Variants in ST6GAL1 observed in about 807,000 individuals in gnomAD.
ST6GAL1 encodes the protein ST6 beta-galactoside alpha-2,6-sialyltransferase 1, also known as beta-galactoside alpha-2,6-sialyltransferase 1.
In ST6GAL1, 20 loss-of-function variants were observed where a neutral mutation model predicts 38.0. The observed-to-expected ratio is 0.53, with a 90% CI of 0.37 to 0.77. The LOEUF (loss-of-function observed/expected upper bound fraction) is 0.77, where lower values mean the gene tolerates loss of function less well. Among genes scored for constraint, ST6GAL1 ranks in the 30% least tolerant of loss-of-function variants. The pLI is 0.00. For missense variants in ST6GAL1, 432 were observed against 496.4 expected (o/e 0.87, Z 1.23); for synonymous variants, 196 against 188.2 (o/e 1.04, Z -0.34).
intron 2 of ST6GAL1, among the ~76,000 whole-genome samples, chr3:186,996,041 C>T (rs987514925): frequency 2.0e-5 from 3 of 152,160 alleles, no homozygotes; most frequent in Non-Finnish European, 4.4e-5. Flanking sequence ...CTCTCACAAA[C>T]ACCTGCTTCC....
chr3:186,935,283 T>C (rs1206564124), intron 1 of ST6GAL1, among the ~76,000 whole-genome samples: 1 of 152,192 alleles, frequency 6.6e-6, no homozygotes, highest in East Asian at 1.9e-4. Flanking sequence ...CCTGCATTAG[T>C]TTGCTAAAGA....
At chr3:187,007,890 G>A (rs1007578008) in intron 2 of ST6GAL1, among the ~76,000 whole-genome samples, 1 of 152,132 alleles carries the variant, frequency 6.6e-6, no homozygotes, top group East Asian at 1.9e-4. Flanking sequence ...GATGATATGG[G>A]CCCAGTAGCG....
intron 1 of ST6GAL1, among the ~76,000 whole-genome samples, chr3:186,938,498 G>A (rs535151203): frequency 8.3e-4 from 127 of 152,310 alleles, no homozygotes; most frequent in African/African-American, 2.1e-3. Context: ...AGTAATAGCT[G>A]TTATTGTTAT....
chr3:186,938,413 G>A (rs1382664940), intron 1 of ST6GAL1, among the ~76,000 whole-genome samples: 1 of 152,168 alleles, frequency 6.6e-6, no homozygotes, highest in Non-Finnish European at 1.5e-5. Flanking sequence ...ATCTCATAGG[G>A]TGATTATGAG....
At chr3:187,012,714 C>T (rs1169862422) in intron 2 of ST6GAL1, among the ~76,000 whole-genome samples, 6 of 152,206 alleles carry the variant, frequency 3.9e-5, no homozygotes, top group South Asian at 2.1e-4. Flanking sequence ...GGTGCCAGGC[C>T]GTAGGGCTGC....
intron 5 of ST6GAL1, among the ~76,000 whole-genome samples, chr3:187,054,815 A>T (rs1426911209): frequency 1.3e-5 from 2 of 152,172 alleles, no homozygotes; most frequent in Non-Finnish European, 2.9e-5. Flanking sequence ...TGCCTCATAA[A>T]ATGAATTAGG....
intron 2 of ST6GAL1, among the ~76,000 whole-genome samples, chr3:187,023,687 A>G (rs1161214261): frequency 6.6e-6 from 1 of 152,124 alleles, no homozygotes; most frequent in Non-Finnish European, 1.5e-5. Flanking sequence ...TTGAACAGTG[A>G]GAACACATGG....
chr3:186,973,804 C>G (rs939624413), intron 2 of ST6GAL1, among the ~76,000 whole-genome samples: 2 of 152,178 alleles, frequency 1.3e-5, no homozygotes, highest in East Asian at 1.9e-4. Flanking sequence ...GTGCCTTACC[C>G]AAGTTCAGTC....
chr3:187,063,147 C>G (rs1718980332), intron 5 of ST6GAL1, among the ~76,000 whole-genome samples: 1 of 152,020 alleles, frequency 6.6e-6, no homozygotes, highest in African/African-American at 2.4e-5. Flanking sequence ...AGGGAGAAAC[C>G]AGTTGATAGA....
Position 187,076,223 on chromosome 3 carries a change from T to C in ST6GAL1, c.*420T>C. ...ATATTGATTTCACGTTTTAAAGAAA[T>C]TCTCTTAAATTACAATTGTGCCCAA... On this transcript the variant is annotated 3_prime_UTR_variant, in exon 8 of 8. Transcript: ENST00000169298. The C allele has an allele frequency of 5.6e-6, 1 of 177,728 alleles. No homozygotes were observed. The highest frequency in any genetic ancestry group is 1.2e-5 in the Non-Finnish European group (1 of 83,426). The allele number at this position is 177,728 out of a possible 1,614,324, so 11.0% of individuals were successfully genotyped here. A position where few individuals can be genotyped will look rare whatever the true frequency, so the allele number is the denominator to read the frequency against.
chr3:187,012,715 G>T (rs143809738), intron 2 of ST6GAL1, among the ~76,000 whole-genome samples: 1 of 152,234 alleles, frequency 6.6e-6, no homozygotes, highest in Non-Finnish European at 1.5e-5. Flanking sequence ...GTGCCAGGCC[G>T]TAGGGCTGCC....
intron 2 of ST6GAL1, among the ~76,000 whole-genome samples, chr3:187,013,205 A>G (rs1458070297): frequency 6.6e-6 from 1 of 152,236 alleles, no homozygotes; most frequent in Non-Finnish European, 1.5e-5. Context: ...ATGGCTCTAT[A>G]GAAGTGATGA....
At chr3:187,068,616 C>A (rs1719254220) in intron 5 of ST6GAL1, among the ~76,000 whole-genome samples, 1 of 152,204 alleles carries the variant, frequency 6.6e-6, no homozygotes, top group Non-Finnish European at 1.5e-5. Context: ...TCGTGCATCT[C>A]TTGGAATTTC....
At chr3:187,027,256 A>G (rs762287909) in intron 2 of ST6GAL1, among the ~76,000 whole-genome samples, 1 of 152,082 alleles carries the variant, frequency 6.6e-6, no homozygotes, top group African/African-American at 2.4e-5. Context: ...CTCATCTTGC[A>G]TCTTGAAAAG....
At chr3:187,057,462 A>G (rs1053255885) in intron 5 of ST6GAL1, among the ~76,000 whole-genome samples, 1 of 151,818 alleles carries the variant, frequency 6.6e-6, no homozygotes, top group Non-Finnish European at 1.5e-5. Context: ...TTGGTTTTTG[A>G]TGATGGTTTT....
chr3:186,948,563 GTGTGTGTC>G (rs1714465273), intron 1 of ST6GAL1: 1 of 152,860 alleles, frequency 6.5e-6, no homozygotes, highest in Non-Finnish European at 1.4e-5. Context: ...GTGTGTGTGT[GTGTGTGTC>G]TGTGTGTGTA....
intron 5 of ST6GAL1, among the ~76,000 whole-genome samples, chr3:187,066,620 G>GTGTGTGTA (rs1197884611): frequency 6.6e-6 from 1 of 151,930 alleles, no homozygotes; most frequent in Non-Finnish European, 1.5e-5. Flanking sequence ...GTGTGTGTGT[G>GTGTGTGTA]TGTGTGTGTG....
intron 2 of ST6GAL1, among the ~76,000 whole-genome samples, chr3:186,992,019 T>C (rs1716188149): frequency 6.6e-6 from 1 of 152,208 alleles, no homozygotes; most frequent in African/African-American, 2.4e-5. Flanking sequence ...GGAATCCAGT[T>C]CTTCAAACTG....
Position 186,934,746 on chromosome 3 carries a change from T to TTGTATTTA in ST6GAL1, c.-325+3913_-325+3914insGTATTTAT, listed in dbSNP as rs1553814300. Among the ~76,000 whole-genome samples the TTGTATTTA allele has an allele frequency of 1.7e-3, 256 of 150,410 alleles. 1 individual carries two copies. The highest frequency in any genetic ancestry group is 2.9e-3 in the Non-Finnish European group (194 of 67,712). On this transcript the variant is annotated intron_variant, in intron 1 of 7. Coordinates refer to ENST00000169298, the MANE Select transcript of ST6GAL1 (RefSeq NM_173216.2). Reference sequence around the variant, plus strand: ...TGAGTGCTTACCAGCTTTTAAAAAATTTTATTTATTTATGTATTTATTTAT... The same window carrying TTGTATTTA: ...TGAGTGCTTACCAGCTTTTAAAAAATTGTATTTATTTATTTATTTATGTATTTATTTAT...
Sources: gnomAD v4.1 joint callset for allele counts (sites outside exome capture counted in the v4.1 genomes callset) on GRCh38, gnomAD v4.1.1 for gene constraint, MANE v1.5 for transcripts, NCBI Gene and HGNC (gene_info 2026-07-23, HGNC 2026-07-21) for gene names.